Variants in MIA2 observed in about 807,000 individuals in gnomAD.
The protein encoded by MIA2 is MIA SH3 domain ER export factor 2, also known as melanoma inhibitory activity protein 2.
Under a neutral mutation model 167.8 loss-of-function variants are expected in MIA2, and 127 were observed. That is an observed-to-expected ratio of 0.76 (90% CI 0.66 to 0.88). The LOEUF is 0.88. Among genes scored for constraint, MIA2 ranks in the 40% least tolerant of loss-of-function variants. MIA2 has a pLI of 0.00. For missense variants in MIA2, 1,690 were observed against 1,624.7 expected (o/e 1.04, Z -0.69); for synonymous variants, 552 against 541.9 (o/e 1.02, Z -0.26).
chr14:39,271,248 A>T (rs1462195735), intron 6 of MIA2, among the ~76,000 whole-genome samples: 1 of 152,146 alleles, frequency 6.6e-6, no homozygotes, highest in Non-Finnish European at 1.5e-5. Context: ...TTGTCTTAAT[A>T]CTGTTGAAAA....
In MIA2 at chr14:39,277,742, A is replaced by ATATATATATATATATATATG. The variant is rs1555358714; in HGVS notation, c.2019+678_2019+679insATATATATATATATATATGT. On this transcript the variant is annotated intron_variant, in intron 7 of 28. Coordinates refer to ENST00000640607, the MANE Select transcript of MIA2 (RefSeq NM_001329214.4). ...TGTGTATATATATATATATATATAT[A>ATATATATATATATATATATG]TGTGTGTATATATATATATATATAT... 2.3e-3 allele frequency among the ~76,000 whole-genome samples: 6 copies of ATATATATATATATATATATG among 2,630 alleles called. 2 individuals carry two copies. Among genetic ancestry groups the ATATATATATATATATATATG allele is most frequent in the African/African-American group, 8.9e-3 (6 of 676 alleles). The allele number at this position is 2,630 out of a possible 152,430, so 1.7% of individuals were successfully genotyped here. A position where few individuals can be genotyped will look rare whatever the true frequency, so the allele number is the denominator to read the frequency against.
intron 23 of MIA2, among the ~76,000 whole-genome samples, chr14:39,380,411 A>T (rs1163974659): frequency 6.6e-6 from 1 of 152,152 alleles, no homozygotes; most frequent in Non-Finnish European, 1.5e-5. Flanking sequence ...TTAAAAATTG[A>T]TGCTGGAGTG....
intron 25 of MIA2, among the ~76,000 whole-genome samples, chr14:39,328,170 G>A (rs146274785): frequency 0.011 from 1,653 of 152,240 alleles, 34 homozygotes; most frequent in African/African-American, 0.037. Flanking sequence ...TCTGACTGGC[G>A]TGAGATGGTA....
chr14:39,256,023 G>T (rs1409783954), intron 6 of MIA2, among the ~76,000 whole-genome samples: 1 of 152,162 alleles, frequency 6.6e-6, no homozygotes, highest in East Asian at 1.9e-4. Flanking sequence ...AGAAAATTAT[G>T]AATCAGTTGT....
chr14:39,374,321 A>T (rs1156727173), intron 23 of MIA2, among the ~76,000 whole-genome samples: 1 of 152,238 alleles, frequency 6.6e-6, no homozygotes, highest in African/African-American at 2.4e-5. Flanking sequence ...AATACTAAGG[A>T]AATTTGAAAG....
At chr14:39,319,115 A>T (rs1241734760) in intron 22 of MIA2, 94 bp from the exon 23 acceptor site, 1 of 570,428 alleles carries the variant, frequency 1.8e-6, no homozygotes, top group Admixed American at 3.0e-5. Flanking sequence ...AGATATTAAA[A>T]TAGTGAAGAG....
At chr14:39,278,124 C>T (rs990556537) in intron 7 of MIA2, among the ~76,000 whole-genome samples, 1 of 152,006 alleles carries the variant, frequency 6.6e-6, no homozygotes, top group Non-Finnish European at 1.5e-5. Context: ...CAGGCGTGCA[C>T]TACCATGCCT....
intron 23 of MIA2, among the ~76,000 whole-genome samples, chr14:39,371,960 CTTTTT>C (rs920718565): frequency 2.0e-5 from 3 of 148,256 alleles, no homozygotes; most frequent in African/African-American, 4.9e-5. Flanking sequence ...GTCCTTTTTT[CTTTTT>C]TTTTTAAATT....
intron 6 of MIA2, among the ~76,000 whole-genome samples, chr14:39,273,802 G>C (rs2152720024): frequency 6.6e-6 from 1 of 152,232 alleles, no homozygotes; most frequent in African/African-American, 2.4e-5. Flanking sequence ...CTTTTCTTGT[G>C]TGATGTATTT....
At chr14:39,347,129 C>G (rs928057210) in intron 26 of MIA2, among the ~76,000 whole-genome samples, 10 of 151,848 alleles carry the variant, frequency 6.6e-5, no homozygotes, top group Non-Finnish European at 1.5e-4. Context: ...ACTTTGGAGT[C>G]TAGTTAGTTG....
chr14:39,251,889 T>C (rs1439914268), intron 4 of MIA2, among the ~76,000 whole-genome samples: 2 of 152,210 alleles, frequency 1.3e-5, no homozygotes, highest in African/African-American at 4.8e-5. Context: ...TGATACTTTT[T>C]TTAAGATATT....
intron 27 of MIA2, 49 bp downstream of exon 27, chr14:39,347,820 T>TAA: frequency 2.4e-6 from 1 of 423,580 alleles, no homozygotes. Context: ...GAAGCCTTCT[T>TAA]TTTTTTTTTT....
At chr14:39,386,733 G>A in intron 23 of MIA2, 1 of 1,339,532 alleles carries the variant, frequency 7.5e-7, no homozygotes, top group Middle Eastern at 2.2e-4. Flanking sequence ...TTTGTAATCT[G>A]GTTCAGTTTC....
intron 9 of MIA2, among the ~76,000 whole-genome samples, chr14:39,289,335 C>G (rs138558352): frequency 1.2e-3 from 182 of 152,152 alleles, no homozygotes; most frequent in African/African-American, 4.0e-3. Context: ...GTGCCTCAGC[C>G]TCTCGAATAG....
intron 23 of MIA2, chr14:39,385,502 C>CGT: frequency 2.3e-6 from 2 of 865,902 alleles, no homozygotes; most frequent in Admixed American, 3.4e-5. Context: ...TGTGTCACAG[C>CGT]GTAGTCCACT....
At chr14:39,385,597 T>G in intron 23 of MIA2, 1 of 809,710 alleles carries the variant, frequency 1.2e-6, no homozygotes, top group Non-Finnish European at 2.2e-6. Flanking sequence ...AATTTCTATA[T>G]CTACTTGCTG....
At chr14:39,269,075 T>TTTTTTTTC (rs2056617333) in intron 6 of MIA2, 1 of 221,274 alleles carries the variant, frequency 4.5e-6, no homozygotes, top group Admixed American at 5.8e-4. Flanking sequence ...ACCTGCACAG[T>TTTTTTTTC]TTTTTTTTTT....
At chr14:39,379,929 A>G (rs1416398122) in intron 23 of MIA2, among the ~76,000 whole-genome samples, 1 of 151,232 alleles carries the variant, frequency 6.6e-6, no homozygotes, top group East Asian at 2.0e-4. Context: ...ACAAAAAACA[A>G]CAACAACAAA....
At chr14:39,298,107 G>C (rs1444425693) in intron 13 of MIA2, among the ~76,000 whole-genome samples, 2 of 151,772 alleles carry the variant, frequency 1.3e-5, no homozygotes, top group African/African-American at 4.8e-5. Context: ...GAAAGTGGTG[G>C]TAAACCCTGT....
Sources: allele counts gnomAD v4.1 joint callset (sites outside exome capture counted in the v4.1 genomes callset), GRCh38; gene constraint gnomAD v4.1.1; transcripts MANE v1.5; gene names NCBI Gene and HGNC (gene_info 2026-07-23, HGNC 2026-07-21).